CAPN5: variants seen among roughly 807,000 people sequenced by gnomAD.
CAPN5 encodes the protein calpain-5.
In CAPN5, 54 loss-of-function variants were observed where a neutral mutation model predicts 73.0. That is an observed-to-expected ratio of 0.74 (90% confidence interval 0.59 to 0.93). CAPN5 has a LOEUF of 0.93. Ranked by LOEUF, CAPN5 falls within the 40% of genes least tolerant of loss-of-function variation. The probability of loss-of-function intolerance (pLI) is 0.00; values close to 1 mark genes in which losing one functional copy is unlikely to be tolerated. For missense variants in CAPN5, 785 were observed against 882.9 expected (o/e 0.89, Z 1.41); for synonymous variants, 335 against 356.9 (o/e 0.94, Z 0.69).
At chr11:77,073,446 G>A (rs782021696) in intron 1 of CAPN5, among the ~76,000 whole-genome samples, 8 of 152,168 alleles carry the variant, frequency 5.3e-5, no homozygotes, top group African/African-American at 9.7e-5. Flanking sequence ...CACCCTGGGC[G>A]GGACCCAATT....
chr11:77,113,193 C>T (rs1020001161), intron 4 of CAPN5, among the ~76,000 whole-genome samples: 5 of 152,332 alleles, frequency 3.3e-5, no homozygotes, highest in East Asian at 1.9e-4. Context: ...GGGTGGGCCA[C>T]GTGCCTGCCT....
rs569866436 is a variant in CAPN5 at position 77,097,459 on chromosome 11, T to C, written c.297+3646T>C. On this transcript the variant is annotated intron_variant, in intron 3 of 12. Coordinates refer to ENST00000648180, the MANE Select transcript of CAPN5 (RefSeq NM_004055.5). ...GTGTTAAGGGGTTTCCTGTGTTTCC[T>C]TCTAGTTTTTTTTTTTTTTTTTTTT... Among the ~76,000 whole-genome samples, 9 of 133,228 alleles carry C rather than the reference T, an allele frequency of 6.8e-5. No individual in the cohort carries two copies. In the East Asian group the frequency reaches 1.9e-3, roughly 29 times the overall value. 87.4% of individuals were successfully genotyped at this position (133,228 alleles called of 152,430 possible).
At chr11:77,069,872 T>G (rs1949884781) in intron 1 of CAPN5, among the ~76,000 whole-genome samples, 1 of 152,194 alleles carries the variant, frequency 6.6e-6, no homozygotes, top group Non-Finnish European at 1.5e-5. Flanking sequence ...GCCTTCCTGC[T>G]GCCCACCTCT....
chr11:77,100,619 C>G, intron 3 of CAPN5, among the ~76,000 whole-genome samples: 1 of 152,134 alleles, frequency 6.6e-6, no homozygotes, highest in East Asian at 1.9e-4. Flanking sequence ...CAGTGCTGCC[C>G]GGACCACAGC....
intron 12 of CAPN5, 130 bp downstream of exon 12, chr11:77,122,842 C>T (rs1032501135): frequency 6.9e-5 from 82 of 1,181,720 alleles, no homozygotes; most frequent in Non-Finnish European, 8.9e-5. Context: ...GTCTGTCTAT[C>T]CCTGACCCCT....
intron 3 of CAPN5, among the ~76,000 whole-genome samples, chr11:77,110,892 G>T (rs1433998029): frequency 6.6e-6 from 1 of 152,170 alleles, no homozygotes; most frequent in Non-Finnish European, 1.5e-5. Flanking sequence ...CTCCTGGTGT[G>T]CCTCTGGTTC....
Position 77,109,647 on chromosome 11 carries a change from G to C in CAPN5, c.298-2942G>C, listed in dbSNP as rs148181875. ...GTGGGAGGGTTTTTGGTGTGCGAGC[G>C]CATCTATTTAGACAGTCTCCCTCCT... is the stretch of plus-strand genomic sequence containing the variant. On this transcript the variant is annotated intron_variant, in intron 3 of 12. Coordinates refer to ENST00000648180, the MANE Select transcript of CAPN5 (RefSeq NM_004055.5). 2.6e-3 allele frequency among the ~76,000 whole-genome samples: 393 copies of C among 152,246 alleles called. 2 individuals carry two copies. The highest frequency in any genetic ancestry group is 9.1e-3 in the African/African-American group (376 of 41,540).
intron 12 of CAPN5, 83 bp downstream of exon 12, chr11:77,122,795 C>T: frequency 2.5e-6 from 4 of 1,570,578 alleles, no homozygotes; most frequent in Non-Finnish European, 3.5e-6. Flanking sequence ...AGGTGGAAGA[C>T]CCTCTGACGA....
At chr11:77,076,190 C>T (rs781874140) in intron 1 of CAPN5, among the ~76,000 whole-genome samples, 4 of 152,058 alleles carry the variant, frequency 2.6e-5, no homozygotes, top group Non-Finnish European at 5.9e-5. Flanking sequence ...GGTGAAACCC[C>T]ATCTCTACTA....
intron 1 of CAPN5, among the ~76,000 whole-genome samples, chr11:77,082,586 T>C (rs1950039028): frequency 1.3e-5 from 2 of 152,032 alleles, no homozygotes; most frequent in South Asian, 4.1e-4. Flanking sequence ...GAACCTCACA[T>C]AAGTAGGCCA....
At chr11:77,120,599 A>G (rs1043492290) in intron 9 of CAPN5, 114 bp from the exon 10 acceptor site, 23 of 688,254 alleles carry the variant, frequency 3.3e-5, no homozygotes, top group Non-Finnish European at 5.4e-5. Flanking sequence ...TGTTCCGGAC[A>G]TTTCATATAA....
At chr11:77,104,688 C>T (rs1242466048) in intron 3 of CAPN5, among the ~76,000 whole-genome samples, 1 of 152,246 alleles carries the variant, frequency 6.6e-6, no homozygotes, top group African/African-American at 2.4e-5. Flanking sequence ...GCCACTGTCC[C>T]CAGCACCCTG....
chr11:77,116,150 C>T (rs1382191590), intron 6 of CAPN5, 76 bp from the exon 7 acceptor site: 8 of 1,398,262 alleles, frequency 5.7e-6, no homozygotes, highest in East Asian at 2.5e-5. Flanking sequence ...CGTGCCTCCT[C>T]GCCTTTGCCA....
chr11:77,117,070 T>C (rs929139329), intron 7 of CAPN5, among the ~76,000 whole-genome samples: 1 of 152,032 alleles, frequency 6.6e-6, no homozygotes, highest in Admixed American at 6.5e-5. Context: ...GGACCCCATC[T>C]CTACAAAAAT....
At chr11:77,089,325 C>T (rs1950124914) in intron 2 of CAPN5, among the ~76,000 whole-genome samples, 1 of 152,268 alleles carries the variant, frequency 6.6e-6, no homozygotes, top group Non-Finnish European at 1.5e-5. Flanking sequence ...GCCAGCATCA[C>T]TGCCTCCAGG....
intron 3 of CAPN5, among the ~76,000 whole-genome samples, chr11:77,106,203 C>T (rs1261061923): frequency 6.6e-6 from 1 of 152,132 alleles, no homozygotes; most frequent in Admixed American, 6.5e-5. Context: ...CTGCTGCCCC[C>T]TGGTTTCCCT....
At chr11:77,083,689 G>A (rs924668149) in intron 1 of CAPN5, among the ~76,000 whole-genome samples, 1 of 152,158 alleles carries the variant, frequency 6.6e-6, no homozygotes, top group Non-Finnish European at 1.5e-5. Flanking sequence ...CATGCTTGGC[G>A]GGCTCCTCAG....
intron 1 of CAPN5, among the ~76,000 whole-genome samples, chr11:77,068,444 A>G (rs889720855): frequency 6.6e-6 from 1 of 152,054 alleles, no homozygotes; most frequent in Admixed American, 6.5e-5. Context: ...GGATGAGTTC[A>G]CTTGCAGATT....
In CAPN5 at chr11:77,114,445, G is replaced by A. The variant is rs1950446457; in HGVS notation, c.699+11G>A. ...AGTGCCTCCATCAAGGTGAGAACAC[G>A]GCAGTCCCCAGAGGCGACCCCTCCC... On this transcript the variant is annotated intron_variant, in intron 5 of 12. Coordinates refer to ENST00000648180, the MANE Select transcript of CAPN5 (RefSeq NM_004055.5). 4 of 1,612,772 alleles carry A rather than the reference G, an allele frequency of 2.5e-6. No individual in the cohort carries two copies. The highest frequency in any genetic ancestry group is 1.7e-4 in the Middle Eastern group (1 of 6,054).
Sources: gnomAD v4.1 joint callset for allele counts (sites outside exome capture counted in the v4.1 genomes callset) on GRCh38, gnomAD v4.1.1 for gene constraint, MANE v1.5 for transcripts, NCBI Gene and HGNC (gene_info 2026-07-23, HGNC 2026-07-21) for gene names.